The following PDSS2 variants were observed in gnomAD, a reference collection of about 807,000 sequenced individuals.
The protein encoded by PDSS2 is all trans-polyprenyl-diphosphate synthase PDSS2.
A neutral mutation model predicts 44.5 loss-of-function variants in PDSS2; 31 were observed. The ratio of observed to expected loss-of-function variants is 0.70; its 90% confidence interval spans 0.52 to 0.94. The LOEUF is 0.94. Among genes scored for constraint, PDSS2 ranks in the 40% least tolerant of loss-of-function variants. The probability of loss-of-function intolerance (pLI) is 0.00; values close to 1 mark genes in which losing one functional copy is unlikely to be tolerated. For synonymous variants in PDSS2, 157 were observed against 180.3 expected, an observed-to-expected ratio of 0.87 and a Z score of 1.03; for missense variants, 452 against 482.2, an observed-to-expected ratio of 0.94 and a Z score of 0.59.
chr6:107,347,256 CTTTTTTT>C (rs35184119), intron 1 of PDSS2, among the ~76,000 whole-genome samples: 6 of 90,000 alleles, frequency 6.7e-5, no homozygotes, highest in Non-Finnish European at 1.0e-4. Context: ...ATTATATCTT[CTTTTTTT>C]TTTTTTTTTT....
At chr6:107,288,335 G>T (rs982099184) in intron 2 of PDSS2, among the ~76,000 whole-genome samples, 35 of 152,256 alleles carry the variant, frequency 2.3e-4, no homozygotes, top group African/African-American at 7.9e-4. Flanking sequence ...ATATTTGTCT[G>T]TTTTTTCCAT....
In PDSS2 at chr6:107,153,673, T is replaced by A. The variant is rs1300408914; in HGVS notation, c.*946A>T. 1 of 152,630 alleles carries A rather than the reference T, an allele frequency of 6.6e-6. No homozygotes were observed. Among genetic ancestry groups the A allele is most frequent in the Non-Finnish European group, 1.5e-5 (1 of 68,040 alleles). 9.5% of individuals were successfully genotyped at this position (152,630 alleles called of 1,614,324 possible). Reference sequence around the variant, plus strand: ...CTAATATAACCAATTTAACATTTGATAACATTTTAATCTCCTACTTCAAGT... The same window carrying A: ...CTAATATAACCAATTTAACATTTGAAAACATTTTAATCTCCTACTTCAAGT... On this transcript the variant is annotated 3_prime_UTR_variant, in exon 8 of 8. Coordinates refer to ENST00000369037, the MANE Select transcript of PDSS2 (RefSeq NM_020381.4).
intron 2 of PDSS2, among the ~76,000 whole-genome samples, chr6:107,333,682 C>T (rs996313039): frequency 5.9e-5 from 9 of 152,152 alleles, no homozygotes; most frequent in African/African-American, 2.2e-4. Context: ...ACTACAGGCA[C>T]ATACCACCAC....
At chr6:107,227,278 CTTTTTTTTTTTTTTTTTT>C (rs60988844) in intron 4 of PDSS2, among the ~76,000 whole-genome samples, 2 of 102,814 alleles carry the variant, frequency 1.9e-5, no homozygotes, top group Non-Finnish European at 2.0e-5. Context: ...CCACTGTGCC[CTTTTTTTTTTTTTTTTTT>C]TTTTTTTTTT....
intron 1 of PDSS2, among the ~76,000 whole-genome samples, chr6:107,425,099 T>C (rs1045447021): frequency 7.2e-5 from 11 of 152,186 alleles, no homozygotes; most frequent in Non-Finnish European, 1.3e-4. Flanking sequence ...TTGCTCCTCA[T>C]TGCCTTCCAC....
At chr6:107,192,962 C>T (rs767295967) in intron 7 of PDSS2, among the ~76,000 whole-genome samples, 1 of 152,114 alleles carries the variant, frequency 6.6e-6, no homozygotes, top group Non-Finnish European at 1.5e-5. Flanking sequence ...TCATGTTTCT[C>T]CCTCCCTGTC....
At chr6:107,231,998 T>G (rs1348664152) in intron 4 of PDSS2, among the ~76,000 whole-genome samples, 1 of 151,490 alleles carries the variant, frequency 6.6e-6, no homozygotes, top group Non-Finnish European at 1.5e-5. Flanking sequence ...CCTTCCCTAG[T>G]AAAGCCCCAG....
chr6:107,221,210 C>T (rs1346976042), intron 4 of PDSS2, among the ~76,000 whole-genome samples: 2 of 151,656 alleles, frequency 1.3e-5, no homozygotes, highest in African/African-American at 4.8e-5. Flanking sequence ...GGAGTAGTGG[C>T]GGGCGCCTGT....
At chr6:107,341,739 A>G (rs148609385) in intron 1 of PDSS2, among the ~76,000 whole-genome samples, 2 of 152,220 alleles carry the variant, frequency 1.3e-5, no homozygotes, top group Non-Finnish European at 2.9e-5. Flanking sequence ...AACCAGGGCC[A>G]GTAGTTGTAA....
chr6:107,453,734 A>G (rs1381217761), intron 1 of PDSS2, among the ~76,000 whole-genome samples: 1 of 152,200 alleles, frequency 6.6e-6, no homozygotes, highest in Non-Finnish European at 1.5e-5. Flanking sequence ...CATGCTGCTT[A>G]TCCTTGCTTT....
At chr6:107,373,695 A>G (rs896322626) in intron 1 of PDSS2, among the ~76,000 whole-genome samples, 1 of 152,138 alleles carries the variant, frequency 6.6e-6, no homozygotes, top group East Asian at 1.9e-4. Flanking sequence ...ATGTCCCTCT[A>G]CAAGGACCTG....
rs111777029 is a variant in PDSS2, at chr6:107,426,851, C to T, written c.296+32139G>A. Among the ~76,000 whole-genome samples the T allele has an allele frequency of 2.7e-3, 407 of 152,188 alleles. 4 individuals carry two copies. The highest frequency in any genetic ancestry group is 9.6e-3 in the African/African-American group (398 of 41,534). ...TTGAAACAGCTGTACTTACCCAATGCCTGTACCCCCATTGTATCTGGGAAG... is the reference window on the plus strand; with the variant it reads ...TTGAAACAGCTGTACTTACCCAATGTCTGTACCCCCATTGTATCTGGGAAG... On this transcript the variant is annotated intron_variant, in intron 1 of 7. Transcript: ENST00000369037.
chr6:107,168,871 T>G (rs1771454779), intron 7 of PDSS2, among the ~76,000 whole-genome samples: 1 of 152,194 alleles, frequency 6.6e-6, no homozygotes, highest in Admixed American at 6.6e-5. Flanking sequence ...GGCTTCCCTT[T>G]GTGGGTAACC....
intron 4 of PDSS2, among the ~76,000 whole-genome samples, chr6:107,240,398 C>CTTT (rs751073523): frequency 2.3e-5 from 3 of 131,014 alleles, no homozygotes; most frequent in East Asian, 2.3e-4. Flanking sequence ...GAGACCCTAC[C>CTTT]TTTTTTTTTT....
At chr6:107,385,297 G>A (rs1260707624) in intron 1 of PDSS2, among the ~76,000 whole-genome samples, 1 of 151,130 alleles carries the variant, frequency 6.6e-6, no homozygotes, top group African/African-American at 2.4e-5. Flanking sequence ...CCAGGAGTTT[G>A]AATCCAGCCT....
At chr6:107,267,468 T>C (rs1775445874) in intron 3 of PDSS2, among the ~76,000 whole-genome samples, 1 of 152,134 alleles carries the variant, frequency 6.6e-6, no homozygotes, top group African/African-American at 2.4e-5. Flanking sequence ...TCTGTTAACA[T>C]GTGAATTCCA....
intron 7 of PDSS2, among the ~76,000 whole-genome samples, chr6:107,173,039 G>T (rs1013760569): frequency 6.7e-6 from 1 of 149,694 alleles, no homozygotes; most frequent in South Asian, 2.1e-4. Flanking sequence ...CGGGAGAATC[G>T]CTTGAACCCA....
At chr6:107,428,773 GCTGTTGTGAGCTGTGA>G (rs1254014200) in intron 1 of PDSS2, among the ~76,000 whole-genome samples, 1 of 152,098 alleles carries the variant, frequency 6.6e-6, no homozygotes, top group African/African-American at 2.4e-5. Context: ...GGAGTCTGAG[GCTGTTGTGAGCTGTGA>G]CTACGCTACA....
chr6:107,196,503 T>A (rs981066478), intron 6 of PDSS2, among the ~76,000 whole-genome samples: 1 of 152,246 alleles, frequency 6.6e-6, no homozygotes, highest in South Asian at 2.1e-4. Context: ...GTCACAAGTT[T>A]TCCACTTTTT....
Sources: allele counts gnomAD v4.1 joint callset (sites outside exome capture counted in the v4.1 genomes callset), GRCh38; gene constraint gnomAD v4.1.1; transcripts MANE v1.5; gene names NCBI Gene and HGNC (gene_info 2026-07-23, HGNC 2026-07-21).